NBPF12: variants seen among roughly 807,000 people sequenced by gnomAD.
NBPF12 encodes the protein NBPF family member NBPF12.
NBPF12 carries 115 observed loss-of-function variants against 146.4 expected under a neutral mutation model. The ratio of observed to expected loss-of-function variants is 0.79; its 90% CI spans 0.68 to 0.92. The LOEUF is 0.92. Among genes scored for constraint, NBPF12 ranks in the 40% least tolerant of loss-of-function variants. NBPF12 has a pLI of 0.00. For missense variants in NBPF12, 1,205 were observed against 1,326.8 expected (o/e 0.91, Z 1.43); for synonymous variants, 385 against 508.9 (o/e 0.76, Z 3.28).
chr1:146,992,469 TG>T (rs1658249690), intron 31 of NBPF12, among the ~76,000 whole-genome samples: 10 of 83,878 alleles, frequency 1.2e-4, no homozygotes, highest in Non-Finnish European at 1.8e-4. Flanking sequence ...TCTCTGTGTG[TG>T]TGTGTGTGTG....
At chr1:146,973,805 A>G (rs1656814378) in intron 14 of NBPF12, among the ~76,000 whole-genome samples, 2 of 145,452 alleles carry the variant, frequency 1.4e-5, no homozygotes, top group African/African-American at 5.3e-5. Context: ...ATAATGAGAA[A>G]TAAAAATAAG....
rs1553885937 is a variant in NBPF12 at position 146,968,600 on chromosome 1, G to C, written c.1091+50G>C. ...CAGGGGGGCAGGTGTGTAAATCTCT[G>C]AAGTACAACAGCTCGGTGGGGAGAC... On this transcript the variant is annotated intron_variant, in intron 10 of 33. Transcript: ENST00000617844. 1,090 of 1,525,796 alleles carry C rather than the reference G, an allele frequency of 7.1e-4. 6 individuals are homozygous for C. The South Asian group carries it at 0.012, about 16-fold the overall frequency. The allele number at this position is 1,525,796 out of a possible 1,614,324, so 94.5% of individuals were successfully genotyped here. A position where few individuals can be genotyped will look rare whatever the true frequency, so the allele number is the denominator to read the frequency against.
upstream of NBPF12, among the ~76,000 whole-genome samples, chr1:146,946,475 C>T (rs1169470911): frequency 2.6e-5 from 3 of 114,054 alleles, no homozygotes; most frequent in Admixed American, 9.3e-5. Flanking sequence ...TATTTGCCAT[C>T]TGTATATCTT....
chr1:146,965,791 CAAAAAAAAAAAAA>C lies in NBPF12; in HGVS notation c.779-656_779-644del, dbSNP rs1162462110. ...TGGGAGACAGAGCGAGACTGCATCT[CAAAAAAAAAAAAA>C]AAAAAAAAAAAAAAAAGTCTCTGAC... On this transcript the variant is annotated intron_variant, in intron 8 of 33. Transcript: ENST00000617844. 3.0e-4 allele frequency among the ~76,000 whole-genome samples: 9 copies of C among 30,056 alleles called. 1 individual carries two copies. The highest frequency in any genetic ancestry group is 3.4e-3 in the South Asian group (1 of 290). 19.7% of individuals were successfully genotyped at this position (30,056 alleles called of 152,430 possible).
chr1:146,970,147 A>G (rs1298727462), intron 11 of NBPF12, among the ~76,000 whole-genome samples: 2 of 150,784 alleles, frequency 1.3e-5, no homozygotes, highest in Non-Finnish European at 2.9e-5. Context: ...ATTTGGTGGT[A>G]GGAAGTGCTT....
At chr1:146,974,266 A>G (rs1271779011) in intron 14 of NBPF12, among the ~76,000 whole-genome samples, 6 of 145,268 alleles carry the variant, frequency 4.1e-5, no homozygotes, top group Admixed American at 2.1e-4. Context: ...TGAAGATATG[A>G]TTAAAAAATC....
At chr1:146,965,083 G>A in exon 8 of NBPF12, 2 of 1,599,886 alleles carry the variant, frequency 1.3e-6, no homozygotes, top group East Asian at 2.2e-5. Flanking sequence ...TGAATGTCAG[G>A]ATGCTCTAAA....
At chr1:146,964,206 A>G in intron 6 of NBPF12, 151 bp from the exon 10 acceptor site, 1 of 1,266,880 alleles carries the variant, frequency 7.9e-7, no homozygotes, top group Non-Finnish European at 1.1e-6. Flanking sequence ...CCAGGAAACC[A>G]TGCCAGAGCA....
chr1:146,944,471 C>G (rs1443246582), upstream of NBPF12, among the ~76,000 whole-genome samples: 1 of 147,364 alleles, frequency 6.8e-6, no homozygotes, highest in Non-Finnish European at 1.5e-5. Flanking sequence ...GAGGCCCCCA[C>G]CTGCAGCCGG....
At chr1:146,992,128 T>TATCGATTAC (rs1407931028) in intron 31 of NBPF12, 82 bp downstream of exon 34, 1 of 560,856 alleles carries the variant, frequency 1.8e-6, no homozygotes, top group Non-Finnish European at 3.1e-6. Context: ...GGGCTGACAT[T>TATCGATTAC]ATCGATTACA....
At chr1:146,950,381 A>G (rs1351233491) in intron 1 of NBPF12, among the ~76,000 whole-genome samples, 1 of 152,080 alleles carries the variant, frequency 6.6e-6, no homozygotes, top group Non-Finnish European at 1.5e-5. Context: ...CTAATGTGAA[A>G]TGATGGGACA....
At chr1:146,947,953 G>A (rs1408025847), upstream of NBPF12, among the ~76,000 whole-genome samples, 1 of 151,970 alleles carries the variant, frequency 6.6e-6, no homozygotes, top group Non-Finnish European at 1.5e-5. Context: ...TTAAAATTGA[G>A]ATGATACATT....
exon 20 of NBPF12, chr1:146,983,076 G>C (rs1206392106): frequency 6.2e-7 from 1 of 1,601,920 alleles, no homozygotes; most frequent in Non-Finnish European, 8.5e-7. Context: ...AGTCTGCATG[G>C]CTGTTGACAT....
exon 8 of NBPF12, chr1:146,965,094 C>T (rs1553885440): frequency 1.1e-5 from 18 of 1,590,234 alleles, no homozygotes; most frequent in Middle Eastern, 1.7e-4. Context: ...ATGCTCTAAA[C>T]ATTCTCCCAG....
At chr1:146,942,237 C>T (rs1367417132) in intron 1 of NBPF12, among the ~76,000 whole-genome samples, 2 of 151,628 alleles carry the variant, frequency 1.3e-5, no homozygotes, top group Non-Finnish European at 2.9e-5. Flanking sequence ...GATTGTCACA[C>T]CTTGGCATCC....
Position 146,971,083 on chromosome 1 carries a change from C to T in NBPF12, c.1380-100C>T, listed in dbSNP as rs1312132735. The T allele has an allele frequency of 1.7e-4, 275 of 1,586,562 alleles. 1 individual carries two copies. Among genetic ancestry groups the T allele is most frequent in the Non-Finnish European group, 1.6e-4 (188 of 1,159,042 alleles). On this transcript the variant is annotated intron_variant, in intron 12 of 33. Coordinates refer to ENST00000617844, the Ensembl canonical transcript of NBPF12. The stretch of plus-strand genomic sequence containing the variant: ...GAACCTCCATTTTGCTTTCTGGGAC[C>T]ACTCTCTTAATGCCGCTTGTCAAAA...
chr1:146,946,253 G>A (rs1281819670), upstream of NBPF12, among the ~76,000 whole-genome samples: 16 of 150,752 alleles, frequency 1.1e-4, no homozygotes, highest in Non-Finnish European at 1.8e-4. Flanking sequence ...AAGTACTTAC[G>A]TGCAGGATTT....
chr1:146,961,631 T>C (rs1655856841), intron 4 of NBPF12, among the ~76,000 whole-genome samples: 1 of 152,086 alleles, frequency 6.6e-6, no homozygotes, highest in African/African-American at 2.4e-5. Flanking sequence ...CCTTATTTTC[T>C]TATGTCTCAC....
At chr1:146,955,207 T>C (rs1421909067) in intron 2 of NBPF12, among the ~76,000 whole-genome samples, 49 of 58,900 alleles carry the variant, frequency 8.3e-4, no homozygotes, top group African/African-American at 3.1e-3. Context: ...TACATATCCA[T>C]AAGAATGGCT....
Sources: gnomAD v4.1 joint callset for allele counts (sites outside exome capture counted in the v4.1 genomes callset) on GRCh38, gnomAD v4.1.1 for gene constraint, MANE v1.5 for transcripts, NCBI Gene and HGNC (gene_info 2026-07-23, HGNC 2026-07-21) for gene names.